Variants in CFAP46 observed in about 807,000 individuals in gnomAD.
CFAP46 encodes the protein cilia- and flagella-associated protein 46.
Under a neutral mutation model 325.7 loss-of-function variants are expected in CFAP46, and 245 were observed. The observed-to-expected ratio is 0.75, with a 90% CI of 0.68 to 0.84. The LOEUF (loss-of-function observed/expected upper bound fraction) is 0.84. Ranked by LOEUF, CFAP46 falls within the 40% of genes least tolerant of loss-of-function variation. The pLI is 0.00. For missense variants in CFAP46, 3,346 were observed against 3,543.0 expected, an observed-to-expected ratio of 0.94 and a Z score of 1.41; for synonymous variants, 1,523 against 1,495.9, an observed-to-expected ratio of 1.02 and a Z score of -0.42.
chr10:132,885,784 G>A lies in CFAP46; in HGVS notation c.3443+37C>T, dbSNP rs560520282. 9 of 1,427,918 alleles carry A rather than the reference G, an allele frequency of 6.3e-6. No homozygotes were observed. The African/African-American group carries it at 1.9e-4, about 30-fold the overall frequency. The allele number at this position is 1,427,918 out of a possible 1,614,324, so 88.5% of individuals were successfully genotyped here. On this transcript the variant is annotated intron_variant, in intron 26 of 57. Transcript: ENST00000368586. ...GCGGTGGGGGGAGCACTCAGGCGGT[G>A]GAGGGAGCACTCACAGGCGGTGGGG...
At chr10:132,865,648 T>C (rs180750462) in intron 35 of CFAP46, among the ~76,000 whole-genome samples, 296 of 152,258 alleles carry the variant, frequency 1.9e-3, no homozygotes, top group Non-Finnish European at 2.1e-3. Flanking sequence ...ATCCGCCTTC[T>C]AGAACAAAGT....
chr10:132,878,200 T>G, intron 29 of CFAP46, 113 bp from the exon 30 acceptor site: 1 of 962,842 alleles, frequency 1.0e-6, no homozygotes, highest in Non-Finnish European at 1.6e-6. Flanking sequence ...CCCCAGACTC[T>G]AGTGCTCTGG....
Position 132,808,429 on chromosome 10 carries a change from A to G in CFAP46, c.8140T>C (p.Leu2714=), listed in dbSNP as rs749323024. 6.2e-7 allele frequency: 1 copy of G among 1,600,802 alleles called. No individual in the cohort carries two copies. Among genetic ancestry groups the G allele is most frequent in the Non-Finnish European group, 8.5e-7 (1 of 1,170,028 alleles). ...QKTIQTVSLF[L]I ...TTTGTTTAGTGGAACACTCAAATCA[A>G]AAACAGGCTCACGGTCTGAATAGTC... The change falls in exon 58 of 58, where the codon TTG becomes CTG. Residue 2714 remains leucine (L), a synonymous_variant. Coordinates refer to ENST00000368586, the MANE Select transcript of CFAP46 (RefSeq NM_001200049.3). The surrounding 1 kb of genome is among the most constrained non-coding windows in gnomAD (Gnocchi z 6.8).
chr10:132,911,329 T>C (rs1164455225), intron 19 of CFAP46, among the ~76,000 whole-genome samples: 1 of 152,210 alleles, frequency 6.6e-6, no homozygotes, highest in African/African-American at 2.4e-5. Context: ...CGCAGCTGAC[T>C]GTGAGCGTTG....
intron 22 of CFAP46, among the ~76,000 whole-genome samples, chr10:132,903,436 G>A (rs1444026734): frequency 1.3e-5 from 2 of 151,912 alleles, no homozygotes; most frequent in Non-Finnish European, 2.9e-5. Flanking sequence ...TTCTCCCCGC[G>A]ACTCTTCCAT....
At chr10:132,937,144 A>ATTAAG (rs111544813) in intron 6 of CFAP46, 89 bp from the exon 7 acceptor site, 74,958 of 731,756 alleles carry the variant, frequency 0.1, 4,558 homozygotes, top group African/African-American at 0.21. Context: ...TTTCTCATTA[A>ATTAAG]TTTTGTATCT....
intron 33 of CFAP46, 131 bp from the exon 34 acceptor site, chr10:132,867,638 T>A (rs1848836112): frequency 3.2e-6 from 4 of 1,240,956 alleles, no homozygotes; most frequent in Middle Eastern, 2.0e-4. Context: ...CAAAGATTTT[T>A]AAAAATCCTC....
chr10:132,846,012 G>A, intron 44 of CFAP46, 45 bp downstream of exon 44: 10 of 1,568,634 alleles, frequency 6.4e-6, no homozygotes, highest in Non-Finnish European at 8.6e-6. Context: ...TGTCCACAGA[G>A]CTCCAGAGCT....
chr10:132,826,380 CA>C (rs1848051633), intron 50 of CFAP46, among the ~76,000 whole-genome samples: 3 of 128,064 alleles, frequency 2.3e-5, no homozygotes, highest in Non-Finnish European at 1.6e-5. Flanking sequence ...AGGCAGGAGC[CA>C]GAGCCACAGA....
chr10:132,921,928 T>C (rs779169246), intron 13 of CFAP46, among the ~76,000 whole-genome samples, 176 bp downstream of exon 13: 17 of 152,184 alleles, frequency 1.1e-4, no homozygotes, highest in Non-Finnish European at 2.1e-4. Context: ...CAGAAGACCG[T>C]CGCTGGGCTT....
chr10:132,833,661 T>C (rs919347190), intron 49 of CFAP46, 136 bp from the exon 50 acceptor site: 1 of 820,808 alleles, frequency 1.2e-6, no homozygotes, highest in Non-Finnish European at 1.9e-6. Context: ...TGCCACCTCC[T>C]CCTCCAGATG....
intron 32 of CFAP46, among the ~76,000 whole-genome samples, chr10:132,871,128 G>GCACA (rs199791661): frequency 0.012 from 1,887 of 152,342 alleles, 37 homozygotes; most frequent in African/African-American, 0.041. Context: ...CAGCACATCT[G>GCACA]TTGACAGCAT....
chr10:132,937,818 G>T, intron 5 of CFAP46, 143 bp from the exon 6 acceptor site: 1 of 1,136,344 alleles, frequency 8.8e-7, no homozygotes, highest in Non-Finnish European at 1.2e-6. Context: ...GCCAGAACCA[G>T]GCTGTGTGGC....
At chr10:132,851,451 C>T (rs1591053074) in intron 39 of CFAP46, 146 bp from the exon 40 acceptor site, 3 of 734,244 alleles carry the variant, frequency 4.1e-6, no homozygotes, top group East Asian at 5.4e-5. Flanking sequence ...ACACTTTGAT[C>T]ACGAATACAC....
chr10:132,886,056 T>G lies in CFAP46; in HGVS notation c.3305-97A>C. The G allele has an allele frequency of 6.8e-7, 1 of 1,464,354 alleles. No individual in the cohort carries two copies. Among genetic ancestry groups the G allele is most frequent in the Non-Finnish European group, 9.2e-7 (1 of 1,086,376 alleles). The allele number at this position is 1,464,354 out of a possible 1,614,324, so 90.7% of individuals were successfully genotyped here. On this transcript the variant is annotated intron_variant, in intron 25 of 57. Transcript: ENST00000368586. The surrounding 1 kb of genome is among the most constrained non-coding windows in gnomAD (Gnocchi z 5.8). The stretch of plus-strand genomic sequence containing the variant: ...ACTAAGCTGCCCATCACAGTGCCCC[T>G]GAGGTGGAACCGCGGCTACAGAGGT...
rs1849227739 is a variant in CFAP46 at position 132,889,683 on chromosome 10, C to T, written c.3304+2650G>A. Reference sequence around the variant, plus strand: ...ATCCAATTCACGGGCGGAGGCACTGCAGCCGGACCCCACCCCTCATGCATT... The same window carrying T: ...ATCCAATTCACGGGCGGAGGCACTGTAGCCGGACCCCACCCCTCATGCATT... On this transcript the variant is annotated intron_variant, in intron 25 of 57. Transcript: ENST00000368586. The surrounding 1 kb of genome is among the most constrained non-coding windows in gnomAD (Gnocchi z 6.0). Among the ~76,000 whole-genome samples, 1 of 152,198 alleles carries T rather than the reference C, an allele frequency of 6.6e-6. No individual in the cohort carries two copies. Among genetic ancestry groups the T allele is most frequent in the Non-Finnish European group, 1.5e-5 (1 of 68,040 alleles).
At chr10:132,829,376 C>T (rs1301650910) in intron 50 of CFAP46, among the ~76,000 whole-genome samples, 1 of 152,206 alleles carries the variant, frequency 6.6e-6, no homozygotes, top group African/African-American at 2.4e-5. Context: ...TATAGAAATG[C>T]AATTGGTTTT....
chr10:132,891,449 G>A (rs777943733), intron 25 of CFAP46, among the ~76,000 whole-genome samples: 49 of 152,356 alleles, frequency 3.2e-4, no homozygotes, highest in Non-Finnish European at 4.7e-4. Flanking sequence ...CTTTGTAGCC[G>A]TAAGACACCA....
Position 132,808,864 on chromosome 10 carries a change from G to GAGC in CFAP46, c.7702_7704dup (p.Ala2568dup), listed in dbSNP as rs771708776. ...TGGTGGGAAGGAGCTCGGAGCTTTG[G>GAGC]AGCAGCAGCAGCTTGTCCTTCAAGG... On this transcript the variant is annotated inframe_insertion, in exon 58 of 58. Transcript: ENST00000368586. The surrounding 1 kb of genome is among the most constrained non-coding windows in gnomAD (Gnocchi z 6.8). 72 of 1,600,500 alleles carry GAGC rather than the reference G, an allele frequency of 4.5e-5. No individual in the cohort carries two copies. Among genetic ancestry groups the GAGC allele is most frequent in the Non-Finnish European group, 5.6e-5 (65 of 1,170,442 alleles).
Sources: allele counts gnomAD v4.1 joint callset (sites outside exome capture counted in the v4.1 genomes callset), GRCh38; gene constraint gnomAD v4.1.1; non-coding constraint Gnocchi (gnomAD v3.1); transcripts MANE v1.5; gene names NCBI Gene and HGNC (gene_info 2026-07-23, HGNC 2026-07-21).